The following BNIP3 variants were observed in gnomAD, a reference collection of about 807,000 sequenced individuals.
BNIP3 encodes the protein BCL2/adenovirus E1B 19 kDa protein-interacting protein 3.
A neutral mutation model predicts 23.9 loss-of-function variants in BNIP3; 16 were observed. The ratio of observed to expected loss-of-function variants is 0.67; its 90% confidence interval spans 0.45 to 1.01. The LOEUF is 1.01. Ranked by LOEUF, BNIP3 falls within the 50% of genes least tolerant of loss-of-function variation. The pLI, the probability that BNIP3 is intolerant of heterozygous loss-of-function variation, is 0.00. For missense variants in BNIP3, 198 were observed against 248.7 expected, an observed-to-expected ratio of 0.80 and a Z score of 1.37; for synonymous variants, 81 against 89.3, an observed-to-expected ratio of 0.91 and a Z score of 0.53.
At chr10:131,973,967 G>A (rs979092439) in intron 1 of BNIP3, 24 bp from the exon 2 acceptor site, 12 of 1,612,816 alleles carry the variant, frequency 7.4e-6, no homozygotes, top group Non-Finnish European at 7.6e-6. Flanking sequence ...AAAAAGGGGC[G>A]CAGATGGAAT....
intron 2 of BNIP3, chr10:131,973,560 G>T: frequency 1.8e-6 from 1 of 569,908 alleles, no homozygotes; most frequent in Non-Finnish European, 3.1e-6. Flanking sequence ...CTGTTCCGCT[G>T]CCTACTGATG....
At chr10:131,971,249 C>T (rs2037030363) in intron 3 of BNIP3, 1 of 445,914 alleles carries the variant, frequency 2.2e-6, no homozygotes, top group African/African-American at 2.0e-5. Context: ...CTGTGAGATT[C>T]TGGGGGTACT....
In BNIP3 at chr10:131,967,706, T is replaced by G. The variant is rs2036984204; in HGVS notation, c.*818A>C. The G allele has an allele frequency of 6.6e-6, 1 of 152,616 alleles. No individual in the cohort carries two copies. Among genetic ancestry groups the G allele is most frequent in the Admixed American group, 6.5e-5 (1 of 15,286 alleles). The allele number at this position is 152,616 out of a possible 1,614,324, so 9.5% of individuals were successfully genotyped here. ...TAATCTGAAGGATTTGGCAAAGATTTATTTTTTTTTCCATTTCCAGTTTTT... is the reference window on the plus strand; with the variant it reads ...TAATCTGAAGGATTTGGCAAAGATTGATTTTTTTTTCCATTTCCAGTTTTT... On this transcript the variant is annotated 3_prime_UTR_variant, in exon 6 of 6. Coordinates refer to ENST00000368636, the MANE Select transcript of BNIP3 (RefSeq NM_004052.4).
chr10:131,975,447 C>T (rs1453362290), intron 1 of BNIP3, among the ~76,000 whole-genome samples: 1 of 152,202 alleles, frequency 6.6e-6, no homozygotes. Context: ...GGAATTATCT[C>T]ATTTTTGCAG....
At position 131,968,374 on chromosome 10, in the gene BNIP3, C is replaced by A; in HGVS notation, c.*150G>T. ...GATCAACATGATTTTAGTGTCTATT[C>A]TTTTATTTTACTAAATTAGGAACGC... On this transcript the variant is annotated 3_prime_UTR_variant, in exon 6 of 6. Transcript: ENST00000368636. The A allele has an allele frequency of 1.5e-6, 1 of 656,580 alleles. No individual in the cohort carries two copies. Among genetic ancestry groups the A allele is most frequent in the East Asian group, 2.8e-5 (1 of 35,766 alleles). The allele number at this position is 656,580 out of a possible 1,614,324, so 40.7% of individuals were successfully genotyped here.
intron 3 of BNIP3, 179 bp from the exon 4 acceptor site, chr10:131,971,149 C>T: frequency 1.6e-6 from 1 of 614,906 alleles, no homozygotes. Context: ...CCGGGCCGCG[C>T]CGCACTCCCG....
At chr10:131,977,283 A>G (rs2037085953) in intron 1 of BNIP3, among the ~76,000 whole-genome samples, 1 of 152,172 alleles carries the variant, frequency 6.6e-6, no homozygotes, top group South Asian at 2.1e-4. Flanking sequence ...AACAAAAAAA[A>G]AAGACACTGC....
intron 1 of BNIP3, among the ~76,000 whole-genome samples, chr10:131,977,786 GA>G: frequency 6.6e-6 from 1 of 151,854 alleles, no homozygotes; most frequent in African/African-American, 2.4e-5. Context: ...AGGAAACAAG[GA>G]AAAAAAACTC....
chr10:131,979,553 CT>C (rs1413676132), intron 1 of BNIP3, among the ~76,000 whole-genome samples: 1 of 152,114 alleles, frequency 6.6e-6, no homozygotes, highest in East Asian at 1.9e-4. Flanking sequence ...TCACAGAATC[CT>C]ACCTCTCCTG....
intron 3 of BNIP3, 42 bp from the exon 4 acceptor site, chr10:131,971,012 CGT>C (rs1564834542): frequency 1.9e-6 from 3 of 1,579,076 alleles, no homozygotes; most frequent in Non-Finnish European, 1.7e-6. Context: ...GTGTACCACA[CGT>C]GACACGGGAA....
At chr10:131,969,758 G>A (rs2037007080) in intron 5 of BNIP3, 1 of 149,256 alleles carries the variant, frequency 6.7e-6, no homozygotes, top group Non-Finnish European at 1.5e-5. Context: ...TCCCCGCTGA[G>A]AGGCTGGGAC....
intron 3 of BNIP3, among the ~76,000 whole-genome samples, chr10:131,972,472 A>G (rs1271261565): frequency 1.3e-5 from 2 of 152,234 alleles, no homozygotes; most frequent in African/African-American, 4.8e-5. Context: ...GGCACCAGTT[A>G]GCTCAGGACT....
rs749293254 is a variant in BNIP3, at chr10:131,970,923, C to T, written c.330G>A (p.Leu110=). ...IERRKEVESI[L]KKNSDWIWDW... ...CCCATATCCAATCTGAGTTTTTCTT[C>T]AAGATGCTTTCAACTTCTTTCCTTC... The change falls in exon 4 of 6, where the codon TTG becomes TTA. Residue 110 remains leucine, a synonymous_variant. Coordinates refer to ENST00000368636, the MANE Select transcript of BNIP3 (RefSeq NM_004052.4). The surrounding 1 kb of genome is among the most constrained non-coding windows in gnomAD (Gnocchi z 4.1). 38 of 1,614,130 alleles carry T rather than the reference C, an allele frequency of 2.4e-5. No homozygotes were observed. The South Asian group carries it at 4.2e-4, about 18-fold the overall frequency.
chr10:131,970,618 C>G lies in BNIP3; in HGVS notation c.539+20G>C. ...CCCCACGACATGCCATGACAGGAGTCACACAGTCACATCACCTACCCCAAT... is the reference window on the plus strand; with the variant it reads ...CCCCACGACATGCCATGACAGGAGTGACACAGTCACATCACCTACCCCAAT... On this transcript the variant is annotated intron_variant, in intron 5 of 5. Transcript: ENST00000368636. This position sits in a 1 kb window ranked among gnomAD's most constrained non-coding sequence, Gnocchi z 4.1. 6.2e-7 allele frequency: 1 copy of G among 1,612,194 alleles called. No individual in the cohort carries two copies. The highest frequency in any genetic ancestry group is 1.1e-5 in the South Asian group (1 of 90,816).
At position 131,981,906 on chromosome 10, in the gene BNIP3, C is replaced by T. The variant is rs2037122894; in HGVS notation, c.-100G>A. Reference sequence around the variant, plus strand: ...AAGCGGAGGTCGGAGCGCCGCGGCCCAGCTGCGCTCCCGGACTGAGCGGAG... The same window carrying T: ...AAGCGGAGGTCGGAGCGCCGCGGCCTAGCTGCGCTCCCGGACTGAGCGGAG... On this transcript the variant is annotated 5_prime_UTR_variant, in exon 1 of 6. Coordinates refer to ENST00000368636, the MANE Select transcript of BNIP3 (RefSeq NM_004052.4). 7.6e-7 allele frequency: 1 copy of T among 1,322,246 alleles called. No homozygotes were observed. The highest frequency in any genetic ancestry group is 9.7e-7 in the Non-Finnish European group (1 of 1,028,176). 81.9% of individuals were successfully genotyped at this position (1,322,246 alleles called of 1,614,324 possible). A position where few individuals can be genotyped will look rare whatever the true frequency, so the allele number is the denominator to read the frequency against.
chr10:131,977,786 G>GA (rs1447294182), intron 1 of BNIP3, among the ~76,000 whole-genome samples: 1 of 151,736 alleles, frequency 6.6e-6, no homozygotes, highest in African/African-American at 2.4e-5. Context: ...AGGAAACAAG[G>GA]AAAAAAAACT....
At chr10:131,968,719 CTG>C in intron 5 of BNIP3, 150 bp from the exon 6 acceptor site, 1 of 598,394 alleles carries the variant, frequency 1.7e-6, no homozygotes, top group Non-Finnish European at 3.0e-6. Context: ...ATGAATCTAT[CTG>C]TGATCTTTTA....
At position 131,973,901 on chromosome 10, in the gene BNIP3, C is replaced by T; in HGVS notation, c.89G>A (p.Gly30Asp). The T allele has an allele frequency of 1.2e-6, 2 of 1,613,556 alleles. No individual in the cohort carries two copies. Among genetic ancestry groups the T allele is most frequent in the Admixed American group, 1.7e-5 (1 of 60,024 alleles). The change falls in exon 2 of 6, where the codon GGC becomes GAC. Residue 30 changes from glycine (G) to aspartate (D), a missense_variant. By Grantham distance (94) the Gly-to-Asp change is moderately conservative. Transcript: ENST00000368636. ...ELHFSNNGNG[G>D]SVPASVSIYN... ...AATAGAAACCGAGGCTGGAACGCTG[C>T]CCCCGTTCCCATTATTGCTGAAGTG...
chr10:131,980,669 T>C, intron 1 of BNIP3: 1 of 151,672 alleles, frequency 6.6e-6, no homozygotes, highest in East Asian at 1.9e-4. Context: ...AAGTCCTGCC[T>C]AGTAAAATCT....
Sources: gnomAD v4.1 joint callset for allele counts (sites outside exome capture counted in the v4.1 genomes callset) on GRCh38, gnomAD v4.1.1 for gene constraint, Gnocchi (gnomAD v3.1) non-coding constraint, MANE v1.5 for transcripts, NCBI Gene and HGNC (gene_info 2026-07-23, HGNC 2026-07-21) for gene names.